Variants in LEKR1 observed in about 807,000 individuals in gnomAD.
LEKR1 encodes leucine, glutamate and lysine rich 1, also known as protein LEKR1.
In LEKR1, 59 loss-of-function variants were observed where a neutral mutation model predicts 72.4. The observed-to-expected ratio is 0.82, with a 90% CI of 0.66 to 1.01. The LOEUF is 1.01. Among genes scored for constraint, LEKR1 ranks in the 50% least tolerant of loss-of-function variants. The pLI, the probability that LEKR1 is intolerant of heterozygous loss-of-function variation, is 0.00. For missense variants in LEKR1, 728 were observed against 759.2 expected (o/e 0.96, Z 0.48); for synonymous variants, 257 against 263.2 (o/e 0.98, Z 0.23).
chr3:157,001,826 A>G (rs961393202), intron 9 of LEKR1, among the ~76,000 whole-genome samples: 1 of 152,232 alleles, frequency 6.6e-6, no homozygotes, highest in Non-Finnish European at 1.5e-5. Flanking sequence ...AGGGAGTTGT[A>G]TTAACATATT....
intron 6 of LEKR1, among the ~76,000 whole-genome samples, chr3:156,970,547 C>T (rs1187132431): frequency 1.3e-5 from 2 of 152,092 alleles, no homozygotes; most frequent in Non-Finnish European, 1.5e-5. Flanking sequence ...AAGAGGAAGT[C>T]AAATTGTCCG....
intron 2 of LEKR1, among the ~76,000 whole-genome samples, chr3:156,844,178 A>T (rs550546592): frequency 4.6e-5 from 7 of 152,238 alleles, no homozygotes; most frequent in African/African-American, 1.7e-4. Context: ...TATAATTTAC[A>T]TAGGGTAAAG....
intron 3 of LEKR1, among the ~76,000 whole-genome samples, chr3:156,876,305 G>T (rs1245403191): frequency 6.6e-6 from 1 of 152,100 alleles, no homozygotes; most frequent in Admixed American, 6.5e-5. Context: ...ACTGGCTTTA[G>T]CTGTGCAGGT....
intron 11 of LEKR1, among the ~76,000 whole-genome samples, chr3:157,026,433 A>T (rs367665205): frequency 1.3e-5 from 2 of 152,194 alleles, no homozygotes; most frequent in Admixed American, 1.3e-4. Context: ...CTGCCTTTTA[A>T]AAAATAAAAA....
intron 3 of LEKR1, among the ~76,000 whole-genome samples, chr3:156,870,187 A>G (rs62275176): frequency 0.032 from 4,839 of 151,654 alleles, 117 homozygotes; most frequent in Non-Finnish European, 0.048. Context: ...TGGCTTTTTG[A>G]ACTCCCTTGG....
At chr3:156,865,425 T>G (rs1717196091) in intron 3 of LEKR1, among the ~76,000 whole-genome samples, 1 of 152,080 alleles carries the variant, frequency 6.6e-6, no homozygotes, top group African/African-American at 2.4e-5. Context: ...ATAAAACATA[T>G]GAATGGCTTA....
intron 5 of LEKR1, among the ~76,000 whole-genome samples, 197 bp downstream of exon 5, chr3:156,927,801 T>C (rs1157265568): frequency 6.6e-6 from 1 of 151,978 alleles, no homozygotes; most frequent in East Asian, 1.9e-4. Flanking sequence ...TAATCTATGA[T>C]ACATCTATCC....
chr3:156,976,252 T>C (rs1343709515), intron 6 of LEKR1, among the ~76,000 whole-genome samples: 2 of 152,204 alleles, frequency 1.3e-5, no homozygotes, highest in Non-Finnish European at 2.9e-5. Flanking sequence ...GAGAATTAAC[T>C]GCATAAAATT....
At chr3:157,042,068 C>A (rs1220874092) in intron 12 of LEKR1, among the ~76,000 whole-genome samples, 1 of 152,094 alleles carries the variant, frequency 6.6e-6, no homozygotes, top group African/African-American at 2.4e-5. Context: ...GATTATAAAT[C>A]TGAATTGCCT....
intron 6 of LEKR1, among the ~76,000 whole-genome samples, chr3:156,957,919 T>C (rs1727794563): frequency 6.6e-6 from 1 of 152,002 alleles, no homozygotes; most frequent in Non-Finnish European, 1.5e-5. Context: ...CCCACATAAT[T>C]TCAAGACTAA....
intron 7 of LEKR1, 61 bp downstream of exon 7, chr3:156,979,336 A>T: frequency 1.4e-6 from 1 of 724,336 alleles, no homozygotes; most frequent in Non-Finnish European, 2.1e-6. Context: ...ACAAAATGGC[A>T]AGAATTAGGA....
At chr3:156,950,449 T>C (rs62275817) in intron 6 of LEKR1, among the ~76,000 whole-genome samples, 4,802 of 151,776 alleles carry the variant, frequency 0.032, 115 homozygotes, top group Non-Finnish European at 0.047. Flanking sequence ...TTTACTGATA[T>C]TGATTCTTCC....
At chr3:156,850,847 A>T (rs1715272256) in intron 2 of LEKR1, among the ~76,000 whole-genome samples, 1 of 152,218 alleles carries the variant, frequency 6.6e-6, no homozygotes, top group African/African-American at 2.4e-5. Context: ...AAACATAGAT[A>T]GAAAGGAAAT....
chr3:156,966,792 G>A (rs1169208390), intron 6 of LEKR1, among the ~76,000 whole-genome samples: 1 of 152,154 alleles, frequency 6.6e-6, no homozygotes, highest in Non-Finnish European at 1.5e-5. Flanking sequence ...GGTTCTCCCA[G>A]CACGCAGCTG....
intron 2 of LEKR1, among the ~76,000 whole-genome samples, chr3:156,846,783 AAGG>A (rs1054603127): frequency 1.5e-4 from 23 of 152,170 alleles, no homozygotes; most frequent in African/African-American, 5.5e-4. Flanking sequence ...TGGGTGGGAG[AAGG>A]AGGCACAATT....
At chr3:157,039,936 G>A (rs1268287545) in intron 12 of LEKR1, among the ~76,000 whole-genome samples, 1 of 152,188 alleles carries the variant, frequency 6.6e-6, no homozygotes, top group African/African-American at 2.4e-5. Context: ...AAGAGTAAGA[G>A]GGTAAAGGGA....
chr3:156,963,912 C>G (rs1234255950), intron 6 of LEKR1, among the ~76,000 whole-genome samples: 1 of 152,126 alleles, frequency 6.6e-6, no homozygotes, highest in Non-Finnish European at 1.5e-5. Flanking sequence ...TCAGAGTGAG[C>G]TACTGTATCA....
At chr3:156,952,142 C>T (rs1024088954) in intron 6 of LEKR1, among the ~76,000 whole-genome samples, 1 of 151,408 alleles carries the variant, frequency 6.6e-6, no homozygotes, top group Admixed American at 6.6e-5. Flanking sequence ...AAGATACACT[C>T]TTGCATTCTT....
rs746885231 is a variant in LEKR1, at chr3:157,024,761, T to C, written c.1205T>C (p.Ile402Thr). 6.2e-7 allele frequency: 1 copy of C among 1,600,804 alleles called. No individual in the cohort carries two copies. The highest frequency in any genetic ancestry group is 8.5e-7 in the Non-Finnish European group (1 of 1,176,542). ...ATGTGCTTTAAATGCCATTTCTAGA[T>C]TGAAGCAGAACTTGCCAAGGAAAGG... Reference protein sequence around the residue: ...LLSDDNWKEKIEAELAKERAQ... With the variant: ...LLSDDNWKEKTEAELAKERAQ... Residue 402 changes from isoleucine to threonine, a missense_variant and splice_region_variant, in exon 11 of 13, where the codon ATT becomes ACT. Ile to Thr is a moderately conservative substitution (Grantham distance 89). Transcript: ENST00000356539.
Sources: allele counts gnomAD v4.1 joint callset (sites outside exome capture counted in the v4.1 genomes callset), GRCh38; gene constraint gnomAD v4.1.1; transcripts MANE v1.5; gene names NCBI Gene and HGNC (gene_info 2026-07-23, HGNC 2026-07-21).